Variants in REEP3 observed in about 807,000 individuals in gnomAD.
The protein encoded by REEP3 is receptor expression-enhancing protein 3.
Under a neutral mutation model 41.3 loss-of-function variants are expected in REEP3, and 20 were observed. The observed-to-expected ratio is 0.48, with a 90% CI of 0.34 to 0.70. The LOEUF (loss-of-function observed/expected upper bound fraction) is 0.70. Among genes scored for constraint, REEP3 ranks in the 30% least tolerant of loss-of-function variants. REEP3 has a pLI of 0.01. For synonymous variants in REEP3, 104 were observed against 101.8 expected, an observed-to-expected ratio of 1.02 and a Z score of -0.13; for missense variants, 271 against 308.8, an observed-to-expected ratio of 0.88 and a Z score of 0.92.
intron 2 of REEP3, among the ~76,000 whole-genome samples, chr10:63,576,288 A>C (rs1175185047): frequency 2.0e-5 from 3 of 152,194 alleles, no homozygotes; most frequent in Non-Finnish European, 2.9e-5. Flanking sequence ...TACCACAAGC[A>C]GTGTGGATTA....
Position 63,615,101 on chromosome 10 carries a change from T to A in REEP3, c.566-4554T>A, listed in dbSNP as rs572733991. On this transcript the variant is annotated intron_variant, in intron 6 of 7. Transcript: ENST00000373758. ...GTAGGGAAAAAAAATAATAAGTAGA[T>A]GATGAAATGGATTAATATACCTAAT... Among the ~76,000 whole-genome samples the A allele has an allele frequency of 2.0e-5, 3 of 152,214 alleles. No individual in the cohort carries two copies. The South Asian group carries it at 6.2e-4, about 32-fold the overall frequency.
chr10:63,547,586 G>A (rs1162228913), intron 1 of REEP3, among the ~76,000 whole-genome samples: 1 of 151,994 alleles, frequency 6.6e-6, no homozygotes, highest in African/African-American at 2.4e-5. Context: ...TTATATCTTT[G>A]GGGAAAAAAC....
chr10:63,610,950 TA>T (rs929603430), intron 6 of REEP3, among the ~76,000 whole-genome samples: 6 of 152,324 alleles, frequency 3.9e-5, no homozygotes, highest in Admixed American at 1.3e-4. Context: ...CACACGCCTG[TA>T]ATCTCAGCTA....
rs1956362372 is a variant in REEP3, at chr10:63,622,615, C to T, written c.*1746C>T. ...TAACTGTTACACTGTCCTTGTCTTTCCTACTCAAAGACAGTATCATCTGAA... is the reference window on the plus strand; with the variant it reads ...TAACTGTTACACTGTCCTTGTCTTTTCTACTCAAAGACAGTATCATCTGAA... On this transcript the variant is annotated 3_prime_UTR_variant, in exon 8 of 8. Coordinates refer to ENST00000373758, the MANE Select transcript of REEP3 (RefSeq NM_001001330.3). 1 of 151,904 alleles carries T rather than the reference C, an allele frequency of 6.6e-6. No individual in the cohort carries two copies. The highest frequency in any genetic ancestry group is 6.6e-5 in the Admixed American group (1 of 15,248). 9.4% of individuals were successfully genotyped at this position (151,904 alleles called of 1,614,324 possible). A position where few individuals can be genotyped will look rare whatever the true frequency, so the allele number is the denominator to read the frequency against.
intron 1 of REEP3, among the ~76,000 whole-genome samples, chr10:63,539,637 T>A (rs959141096): frequency 6.6e-6 from 1 of 152,144 alleles, no homozygotes; most frequent in Non-Finnish European, 1.5e-5. Flanking sequence ...TTTAAAAAAA[T>A]GTTAAAATTA....
At chr10:63,612,657 G>A (rs1956285024) in intron 6 of REEP3, among the ~76,000 whole-genome samples, 1 of 151,972 alleles carries the variant, frequency 6.6e-6, no homozygotes, top group Non-Finnish European at 1.5e-5. Context: ...CAGGTGTGGT[G>A]GTGTATGCCT....
At chr10:63,555,181 T>C (rs1436892992) in intron 1 of REEP3, among the ~76,000 whole-genome samples, 1 of 152,200 alleles carries the variant, frequency 6.6e-6, no homozygotes, top group Non-Finnish European at 1.5e-5. Context: ...GAATTTCCAC[T>C]GTCTTTTTCT....
At chr10:63,574,612 A>G (rs1185735829) in intron 2 of REEP3, among the ~76,000 whole-genome samples, 1 of 152,078 alleles carries the variant, frequency 6.6e-6, no homozygotes, top group African/African-American at 2.4e-5. Flanking sequence ...GCTGATCTCC[A>G]CAGTATCCTG....
At chr10:63,613,171 C>T (rs2133431118) in intron 6 of REEP3, among the ~76,000 whole-genome samples, 1 of 152,164 alleles carries the variant, frequency 6.6e-6, no homozygotes, top group Non-Finnish European at 1.5e-5. Flanking sequence ...ACCACCACGC[C>T]TGGCTAATTT....
chr10:63,524,721 G>A (rs893453244), intron 1 of REEP3, among the ~76,000 whole-genome samples: 5 of 152,164 alleles, frequency 3.3e-5, no homozygotes, highest in African/African-American at 9.7e-5. Context: ...TAGAATTACA[G>A]CCATGAGCCA....
Position 63,594,778 on chromosome 10 carries a change from G to A in REEP3, c.106G>A (p.Val36Ile). The change falls in exon 3 of 8, where the codon GTT (valine) becomes ATT (isoleucine). Residue 36 changes from valine to isoleucine, a missense_variant and splice_region_variant. By Grantham distance (29) the Val-to-Ile change is conservative. Transcript: ENST00000373758. ...AVKTKNVKEY[V>I]RWMMYWIVFA... ...TCATGAGTATTTTTATTATTTCCAGGTTCGATGGATGATGTACTGGATTGT... is the reference window on the plus strand; with the variant it reads ...TCATGAGTATTTTTATTATTTCCAGATTCGATGGATGATGTACTGGATTGT... The A allele has an allele frequency of 6.3e-7, 1 of 1,598,766 alleles. No homozygotes were observed. Among genetic ancestry groups the A allele is most frequent in the South Asian group, 1.1e-5 (1 of 90,724 alleles).
At chr10:63,591,012 G>A (rs1437525358) in intron 2 of REEP3, among the ~76,000 whole-genome samples, 1 of 151,584 alleles carries the variant, frequency 6.6e-6, no homozygotes, top group African/African-American at 2.4e-5. Flanking sequence ...ATAGTGTATT[G>A]GTTTCCTTTC....
At chr10:63,545,666 C>T (rs1327391312) in intron 1 of REEP3, among the ~76,000 whole-genome samples, 1 of 146,052 alleles carries the variant, frequency 6.8e-6, no homozygotes. Context: ...AGCCACTGCG[C>T]CTGGCCAACT....
intron 1 of REEP3, among the ~76,000 whole-genome samples, chr10:63,540,153 G>C (rs1213931806): frequency 6.6e-6 from 1 of 152,156 alleles, no homozygotes; most frequent in Admixed American, 6.5e-5. Context: ...GGTCTTTTAA[G>C]ATTGAATTAC....
chr10:63,556,614 GTTTTTTTTTTTGTTGTTTTGTT>G (rs1435140962), intron 1 of REEP3, among the ~76,000 whole-genome samples: 172 of 12,842 alleles, frequency 0.013, 13 homozygotes, highest in African/African-American at 0.033. Flanking sequence ...CTGTTTGCTT[GTTTTTTTTTTTGTTGTTTTGTT>G]TTTTTTTTTT....
chr10:63,523,627 CTG>C (rs1024646100), intron 1 of REEP3, among the ~76,000 whole-genome samples: 14 of 152,038 alleles, frequency 9.2e-5, no homozygotes, highest in African/African-American at 3.1e-4. Flanking sequence ...CAGAGTGAGA[CTG>C]TGCCTCAGAA....
At chr10:63,550,162 G>A (rs1257513953) in intron 1 of REEP3, among the ~76,000 whole-genome samples, 1 of 152,200 alleles carries the variant, frequency 6.6e-6, no homozygotes, top group African/African-American at 2.4e-5. Context: ...GAGGATGGAT[G>A]CATGTATTCT....
At chr10:63,522,712 T>C (rs1246490653) in intron 1 of REEP3, among the ~76,000 whole-genome samples, 1 of 152,238 alleles carries the variant, frequency 6.6e-6, no homozygotes, top group Non-Finnish European at 1.5e-5. Context: ...TGTTTGGAAG[T>C]GAATTACTAG....
At chr10:63,589,785 CTTTTTTT>C (rs59658061) in intron 2 of REEP3, among the ~76,000 whole-genome samples, 19 of 80,820 alleles carry the variant, frequency 2.4e-4, no homozygotes, top group Admixed American at 5.2e-4. Context: ...AGCAGAACAT[CTTTTTTT>C]TTTTTTTTTT....
Sources: allele counts gnomAD v4.1 joint callset (sites outside exome capture counted in the v4.1 genomes callset), GRCh38; gene constraint gnomAD v4.1.1; transcripts MANE v1.5; gene names NCBI Gene and HGNC (gene_info 2026-07-23, HGNC 2026-07-21).